The following RGS7 variants were observed in gnomAD, a reference collection of about 807,000 sequenced individuals.
RGS7 encodes regulator of G protein signaling 7.
In RGS7, 27 loss-of-function variants were observed where a neutral mutation model predicts 81.1. The observed-to-expected ratio is 0.33, with a 90% CI of 0.25 to 0.46. RGS7 has a LOEUF of 0.46. Among genes scored for constraint, RGS7 ranks in the 20% least tolerant of loss-of-function variants. The pLI, the probability that RGS7 is intolerant of heterozygous loss-of-function variation, is 1.00. For missense variants in RGS7, 396 were observed against 607.4 expected (o/e 0.65, Z 3.66); for synonymous variants, 208 against 207.7 (o/e 1.00, Z -0.01).
Position 240,794,667 on chromosome 1 carries a change from G to T in RGS7, c.*6+5974C>A, listed in dbSNP as rs1189362018. ...CCAAGGTCCATCCCAAACGTGCCAG[G>T]AATGGGCAGCTGAGGGACTGCCCAA... On this transcript the variant is annotated intron_variant, in intron 18 of 18. Transcript: ENST00000440928. Among the ~76,000 whole-genome samples the T allele has an allele frequency of 2.6e-5, 4 of 152,160 alleles. No individual in the cohort carries two copies. The East Asian group carries it at 7.7e-4, about 29-fold the overall frequency.
At chr1:241,103,545 C>G (rs1164296246) in intron 2 of RGS7, among the ~76,000 whole-genome samples, 1 of 152,120 alleles carries the variant, frequency 6.6e-6, no homozygotes, top group East Asian at 1.9e-4. Context: ...GAGCCAATTC[C>G]CTGTTACAGA....
At chr1:241,225,624 G>A (rs141781654) in intron 2 of RGS7, among the ~76,000 whole-genome samples, 5 of 152,148 alleles carry the variant, frequency 3.3e-5, no homozygotes, top group Non-Finnish European at 5.9e-5. Flanking sequence ...CTTTTAGAGA[G>A]ATATTACAGG....
chr1:240,835,055 A>G (rs569234658), intron 9 of RGS7, among the ~76,000 whole-genome samples: 1 of 152,240 alleles, frequency 6.6e-6, no homozygotes, highest in East Asian at 1.9e-4. Flanking sequence ...TTGGGTGATG[A>G]CTTTTTAGAT....
intron 3 of RGS7, among the ~76,000 whole-genome samples, chr1:241,011,178 T>A (rs1288594797): frequency 6.6e-6 from 1 of 152,186 alleles, no homozygotes; most frequent in Non-Finnish European, 1.5e-5. Flanking sequence ...GTTTTTCACA[T>A]TTTTAAAAAA....
chr1:241,041,226 G>T (rs1192952740), intron 3 of RGS7, among the ~76,000 whole-genome samples: 1 of 152,000 alleles, frequency 6.6e-6, no homozygotes, highest in East Asian at 1.9e-4. Flanking sequence ...TTAGTTTTAT[G>T]AATTACTCTC....
rs552116852 is a variant in RGS7 at position 240,942,600 on chromosome 1, T to C, written c.227-5894A>G. On this transcript the variant is annotated intron_variant, in intron 4 of 18. Transcript: ENST00000440928. Reference sequence around the variant, plus strand: ...TATCAGTAGTGTGTGGGGAGAAATATTTTAAAAGAAAATCTAAAAAGAAAA... The same window carrying C: ...TATCAGTAGTGTGTGGGGAGAAATACTTTAAAAGAAAATCTAAAAAGAAAA... 2.6e-5 allele frequency among the ~76,000 whole-genome samples: 4 copies of C among 152,302 alleles called. No homozygotes were observed. The South Asian group carries it at 6.2e-4, about 24-fold the overall frequency.
chr1:240,961,956 AAG>A (rs1272148308), intron 4 of RGS7, among the ~76,000 whole-genome samples: 4 of 152,028 alleles, frequency 2.6e-5, no homozygotes, highest in Admixed American at 1.3e-4. Flanking sequence ...AGAGAGAAGA[AAG>A]AGAGAGAGAG....
chr1:240,807,175 G>T (rs1257322205), intron 14 of RGS7, among the ~76,000 whole-genome samples: 1 of 152,178 alleles, frequency 6.6e-6, no homozygotes, highest in Non-Finnish European at 1.5e-5. Flanking sequence ...AGTCTAGTGA[G>T]AAGGGGCCAC....
Position 241,129,762 on chromosome 1 carries a change from G to A in RGS7, c.79-31000C>T, listed in dbSNP as rs189248253. ...GGTATAGGGTGGGGCCCACGAGTCT[G>A]TATTTCCAAAAAACTTCCAGGTGTT... On this transcript the variant is annotated intron_variant, in intron 2 of 18. Coordinates refer to ENST00000440928, the MANE Select transcript of RGS7 (RefSeq NM_001364886.1). Among the ~76,000 whole-genome samples the A allele has an allele frequency of 5.8e-3, 882 of 152,114 alleles. 5 individuals carry two copies. The highest frequency in any genetic ancestry group is 0.02 in the African/African-American group (828 of 41,506).
intron 3 of RGS7, among the ~76,000 whole-genome samples, chr1:241,083,542 G>C (rs887898582): frequency 2.0e-5 from 3 of 152,162 alleles, no homozygotes; most frequent in African/African-American, 7.2e-5. Flanking sequence ...TAGTTACTCA[G>C]TTCTGTCAGA....
chr1:241,090,106 C>T (rs1039314562), intron 3 of RGS7, among the ~76,000 whole-genome samples: 1 of 151,504 alleles, frequency 6.6e-6, no homozygotes, highest in Non-Finnish European at 1.5e-5. Context: ...TTTAATTGGA[C>T]AGGTTTGCAA....
intron 3 of RGS7, among the ~76,000 whole-genome samples, chr1:240,995,986 C>T (rs990759298): frequency 6.6e-6 from 1 of 151,686 alleles, no homozygotes; most frequent in African/African-American, 2.4e-5. Context: ...AGCAGTGTTC[C>T]ACAAATTGAC....
chr1:241,067,226 CACTA>C (rs2148853666), intron 3 of RGS7, among the ~76,000 whole-genome samples: 1 of 152,284 alleles, frequency 6.6e-6, no homozygotes, highest in South Asian at 2.1e-4. Context: ...CTCTCTTCCC[CACTA>C]CAATGGAAGC....
At chr1:240,976,161 G>A (rs1684033095) in intron 4 of RGS7, among the ~76,000 whole-genome samples, 1 of 152,240 alleles carries the variant, frequency 6.6e-6, no homozygotes, top group Non-Finnish European at 1.5e-5. Flanking sequence ...ATGTAACTGA[G>A]AGTAAAATAG....
chr1:240,829,068 T>C lies in RGS7; in HGVS notation c.610-1896A>G, dbSNP rs140564149. On this transcript the variant is annotated intron_variant, in intron 9 of 18. Transcript: ENST00000440928. Reference sequence around the variant, plus strand: ...AGAGGACACTTTCCTTAAAGAACCATCTCCTGCTAGTATAGCCATTGGGCC... The same window carrying C: ...AGAGGACACTTTCCTTAAAGAACCACCTCCTGCTAGTATAGCCATTGGGCC... Among the ~76,000 whole-genome samples the C allele has an allele frequency of 2.7e-3, 410 of 152,166 alleles. 2 individuals carry two copies. Among genetic ancestry groups the C allele is most frequent in the Non-Finnish European group, 4.2e-3 (285 of 68,006 alleles).
intron 2 of RGS7, among the ~76,000 whole-genome samples, chr1:241,146,368 C>T (rs984252278): frequency 5.3e-5 from 8 of 152,182 alleles, no homozygotes; most frequent in Admixed American, 3.9e-4. Flanking sequence ...AAATCCTATG[C>T]CGTTTTATAT....
intron 2 of RGS7, among the ~76,000 whole-genome samples, chr1:241,183,656 T>C (rs2071831816): frequency 6.6e-6 from 1 of 152,222 alleles, no homozygotes; most frequent in Non-Finnish European, 1.5e-5. Context: ...AGAAGAGACA[T>C]GCTTCTATGA....
chr1:241,088,399 A>G (rs1220157421), intron 3 of RGS7, among the ~76,000 whole-genome samples: 4 of 152,080 alleles, frequency 2.6e-5, no homozygotes, highest in Admixed American at 2.6e-4. Flanking sequence ...TGAGAAACAG[A>G]AAATGCATGA....
chr1:241,103,173 A>G (rs28479815), intron 2 of RGS7, among the ~76,000 whole-genome samples: 14,525 of 152,060 alleles, frequency 0.096, 1,605 homozygotes, highest in African/African-American at 0.27. Context: ...GTGTATATAT[A>G]TGTGTGTATA....
Sources: gnomAD v4.1 joint callset for allele counts (sites outside exome capture counted in the v4.1 genomes callset) on GRCh38, gnomAD v4.1.1 for gene constraint, MANE v1.5 for transcripts, NCBI Gene and HGNC (gene_info 2026-07-23, HGNC 2026-07-21) for gene names.